The following SYNE2 variants were observed in gnomAD, a reference collection of about 807,000 sequenced individuals.
SYNE2 encodes the protein nesprin-2.
Under a neutral mutation model 856.3 loss-of-function variants are expected in SYNE2, and 431 were observed. The observed-to-expected ratio is 0.50, with a 90% CI of 0.47 to 0.55. The LOEUF (loss-of-function observed/expected upper bound fraction) is 0.55. Ranked by LOEUF, SYNE2 falls within the 20% of genes least tolerant of loss-of-function variation. The pLI is 0.00. For synonymous variants in SYNE2, 2,923 were observed against 2,872.3 expected (o/e 1.02, Z -0.56); for missense variants, 8,129 against 8,023.2 (o/e 1.01, Z -0.50).
intron 74 of SYNE2, among the ~76,000 whole-genome samples, chr14:64,129,213 G>C (rs2097984847): frequency 6.6e-6 from 1 of 152,212 alleles, no homozygotes. Context: ...AGGCTGAGGT[G>C]TGATAATTGC....
rs111733736 is a variant in SYNE2, at chr14:64,208,468, G to A, written c.18202-290G>A. ...GCGATGGGCTCTCAACAGTAATGGC[G>A]CCACCTGTCAGTGCGTAGAGGACAC... On this transcript the variant is annotated intron_variant, in intron 100 of 115. Transcript: ENST00000555002. Among the ~76,000 whole-genome samples, 6,150 of 152,248 alleles carry A rather than the reference G, an allele frequency of 0.04. 134 individuals are homozygous for A. The highest frequency in any genetic ancestry group is 0.057 in the African/African-American group (2,349 of 41,540).
At position 63,991,008 on chromosome 14, in the gene SYNE2, A is replaced by C. The variant is rs1278245885; in HGVS notation, c.2539A>C (p.Arg847=). 1 of 1,614,198 alleles carries C rather than the reference A, an allele frequency of 6.2e-7. No homozygotes were observed. The highest frequency in any genetic ancestry group is 1.3e-5 in the African/African-American group (1 of 75,070). ...LTDVSPDLDI[R]LKMEESQKEL... Reference sequence around the variant, plus strand: ...TGACGTTTCACCAGATTTGGACATCAGGCTGAAGATGGAAGAATCCCAGAA... The same window carrying C: ...TGACGTTTCACCAGATTTGGACATCCGGCTGAAGATGGAAGAATCCCAGAA... Residue 847 remains arginine, a synonymous_variant, in exon 21 of 116, where the codon AGG becomes CGG. Coordinates refer to ENST00000555002, the MANE Select transcript of SYNE2 (RefSeq NM_182914.3).
chr14:63,804,444 A>G (rs904200898), intron 1 of SYNE2, among the ~76,000 whole-genome samples: 2 of 152,070 alleles, frequency 1.3e-5, no homozygotes, highest in Non-Finnish European at 2.9e-5. Context: ...ACGATGACCT[A>G]TATCCAGAAT....
chr14:63,775,026 G>T (rs1278455162), intron 1 of SYNE2, among the ~76,000 whole-genome samples: 1 of 151,922 alleles, frequency 6.6e-6, no homozygotes, highest in Admixed American at 6.6e-5. Context: ...GCCCAAGCTG[G>T]AGTGCAATGG....
chr14:63,963,844 TA>T (rs945618016), intron 9 of SYNE2, 54 bp from the exon 10 acceptor site: 22 of 1,341,874 alleles, frequency 1.6e-5, no homozygotes, highest in East Asian at 2.4e-5. Flanking sequence ...ATTTTTTTGT[TA>T]AAAAAACCAA....
At chr14:64,162,360 C>G (rs2098336354) in intron 88 of SYNE2, 84 bp downstream of exon 88, 11 of 1,376,582 alleles carry the variant, frequency 8.0e-6, no homozygotes, top group Non-Finnish European at 1.1e-5. Context: ...GGGGACCAGA[C>G]AGACCACAGG....
chr14:63,768,239 A>G (rs1040585174), intron 1 of SYNE2, among the ~76,000 whole-genome samples: 1 of 152,194 alleles, frequency 6.6e-6, no homozygotes, highest in African/African-American at 2.4e-5. Context: ...CTCTGCCTAC[A>G]ACTGAAAGAA....
rs369929692 is a variant in SYNE2 at position 64,146,087 on chromosome 14, T to C, written c.15503T>C (p.Leu5168Pro). The C allele has an allele frequency of 1.3e-6, 2 of 1,588,276 alleles. No individual in the cohort carries two copies. The highest frequency in any genetic ancestry group is 1.7e-6 in the Non-Finnish European group (2 of 1,162,792). ...LNRKIQHLEQLLESITESENK... is the reference protein window; with the variant it reads ...LNRKIQHLEQPLESITESENK... ...ACTTAGATACAACATTTAGAACAACTTCTAGAAAGTATCACTGAGAGTGAA... is the reference window on the plus strand; with the variant it reads ...ACTTAGATACAACATTTAGAACAACCTCTAGAAAGTATCACTGAGAGTGAA... Residue 5168 changes from leucine to proline, a missense_variant, in exon 84 of 116, where the codon CTT becomes CCT. Physicochemically the swap from Leu to Pro is moderately conservative, Grantham distance 98 (BLOSUM62 -3). Coordinates refer to ENST00000555002, the MANE Select transcript of SYNE2 (RefSeq NM_182914.3).
chr14:63,874,489 A>G (rs1276693419), intron 1 of SYNE2, among the ~76,000 whole-genome samples: 1 of 152,200 alleles, frequency 6.6e-6, no homozygotes, highest in Non-Finnish European at 1.5e-5. Flanking sequence ...AAGGGGTTCC[A>G]GGAAGGATAT....
At chr14:63,886,122 T>A (rs1024237799) in intron 1 of SYNE2, among the ~76,000 whole-genome samples, 2 of 152,192 alleles carry the variant, frequency 1.3e-5, no homozygotes, top group Non-Finnish European at 1.5e-5. Flanking sequence ...AAAGTAGTTT[T>A]AACATCCTTA....
rs1472514701 is a variant in SYNE2 at position 64,119,410 on chromosome 14, A to G, written c.12841-17A>G. On this transcript the variant is annotated splice_polypyrimidine_tract_variant and intron_variant, in intron 66 of 115. Transcript: ENST00000555002. ...CAAGAACAACATTATGAATAATTAA[A>G]TGCTTTTATTTCCTAGGCTATGCTA... 5 of 1,613,996 alleles carry G rather than the reference A, an allele frequency of 3.1e-6. No individual in the cohort carries two copies. The highest frequency in any genetic ancestry group is 4.2e-6 in the Non-Finnish European group (5 of 1,179,942).
intron 100 of SYNE2, 118 bp from the exon 101 acceptor site, chr14:64,208,640 C>T (rs2098621816): frequency 9.5e-7 from 1 of 1,057,086 alleles, no homozygotes; most frequent in Non-Finnish European, 1.4e-6. Flanking sequence ...GGTGGAAATC[C>T]ACCCAGGGAA....
intron 78 of SYNE2, 68 bp from the exon 79 acceptor site, chr14:64,137,719 G>A: frequency 6.6e-7 from 1 of 1,521,800 alleles, no homozygotes; most frequent in Non-Finnish European, 9.0e-7. Context: ...TTTAAATGCA[G>A]TATTTGTGAA....
At chr14:63,930,162 C>T (rs1033774652) in intron 2 of SYNE2, among the ~76,000 whole-genome samples, 9 of 151,710 alleles carry the variant, frequency 5.9e-5, no homozygotes, top group African/African-American at 2.2e-4. Context: ...TGGCATTTGC[C>T]TATGGTCCAG....
chr14:63,985,494 TTTGAG>T (rs1409376347), intron 18 of SYNE2, among the ~76,000 whole-genome samples: 2 of 152,164 alleles, frequency 1.3e-5, no homozygotes, highest in African/African-American at 4.8e-5. Context: ...TGAAATTTGA[TTTGAG>T]TTTCTTCTTG....
At chr14:63,851,822 C>T (rs1739166455), upstream of SYNE2, among the ~76,000 whole-genome samples, 1 of 151,722 alleles carries the variant, frequency 6.6e-6, no homozygotes, top group Non-Finnish European at 1.5e-5. Context: ...GTGGCTCATG[C>T]CTGTAATCCT....
chr14:63,991,190 C>T, intron 21 of SYNE2, 75 bp downstream of exon 21: 1 of 1,419,964 alleles, frequency 7.0e-7, no homozygotes. Flanking sequence ...AAGATGTTTC[C>T]TTCACTGTAA....
At position 64,112,481 on chromosome 14, in the gene SYNE2, C is replaced by G. The variant is rs188493153; in HGVS notation, c.12610-860C>G. Among the ~76,000 whole-genome samples the G allele has an allele frequency of 1.4e-4, 21 of 152,334 alleles. No individual in the cohort carries two copies. In the East Asian group the frequency reaches 3.1e-3, roughly 22 times the overall value. ...AATACAGTGGGAGGTAAATACATCTCTCTATCCAATTATCTTTTGCCTCCA... is the reference window on the plus strand; with the variant it reads ...AATACAGTGGGAGGTAAATACATCTGTCTATCCAATTATCTTTTGCCTCCA... On this transcript the variant is annotated intron_variant, in intron 65 of 115. Transcript: ENST00000555002.
At chr14:63,966,288 G>C (rs1197225536) in intron 10 of SYNE2, among the ~76,000 whole-genome samples, 1 of 151,828 alleles carries the variant, frequency 6.6e-6, no homozygotes, top group African/African-American at 2.4e-5. Context: ...GGTGAGGCAC[G>C]TGGATCATTT....
Sources: gnomAD v4.1 joint callset for allele counts (sites outside exome capture counted in the v4.1 genomes callset) on GRCh38, gnomAD v4.1.1 for gene constraint, MANE v1.5 for transcripts, NCBI Gene and HGNC (gene_info 2026-07-23, HGNC 2026-07-21) for gene names.